Variants in NSMCE2 observed in about 807,000 individuals in gnomAD.
The protein encoded by NSMCE2 is NSE2 SUMO ligase component of SMC5/6 complex, also known as E3 SUMO-protein ligase NSE2.
In NSMCE2, 24 loss-of-function variants were observed where a neutral mutation model predicts 23.8. The ratio of observed to expected loss-of-function variants is 1.01; its 90% CI spans 0.73 to 1.42. The LOEUF (loss-of-function observed/expected upper bound fraction) is 1.42. NSMCE2 is among the 40% of genes most tolerant of loss of function. The pLI, the probability that NSMCE2 is intolerant of heterozygous loss-of-function variation, is 0.00. For synonymous variants in NSMCE2, 92 were observed against 94.1 expected (o/e 0.98, Z 0.13); for missense variants, 284 against 296.5 (o/e 0.96, Z 0.31).
chr8:125,280,723 C>A (rs528244597), intron 5 of NSMCE2, among the ~76,000 whole-genome samples: 1 of 152,172 alleles, frequency 6.6e-6, no homozygotes, highest in East Asian at 1.9e-4. Flanking sequence ...GGGTCCCAGA[C>A]AGGAGAAAGC....
chr8:125,310,664 C>T (rs1330226818), intron 5 of NSMCE2, among the ~76,000 whole-genome samples: 1 of 152,080 alleles, frequency 6.6e-6, no homozygotes, highest in African/African-American at 2.4e-5. Context: ...CTCCCTTAGC[C>T]AATACCATTC....
intron 5 of NSMCE2, among the ~76,000 whole-genome samples, chr8:125,309,868 T>C (rs566216119): frequency 2.2e-4 from 33 of 152,348 alleles, no homozygotes; most frequent in Admixed American, 7.2e-4. Context: ...AGCTAGAGCA[T>C]GATCTAATAA....
intron 3 of NSMCE2, chr8:125,126,850 A>G (rs1260239368): frequency 6.6e-6 from 1 of 152,222 alleles, no homozygotes; most frequent in East Asian, 1.9e-4. Flanking sequence ...CACTTTATTT[A>G]GGATTGATGT....
intron 4 of NSMCE2, among the ~76,000 whole-genome samples, chr8:125,173,442 GAC>G (rs1010709938): frequency 3.3e-5 from 5 of 152,186 alleles, no homozygotes; most frequent in Non-Finnish European, 5.9e-5. Context: ...CATCTTGGGA[GAC>G]ACCACCCTAT....
At chr8:125,305,498 A>G (rs1828721098) in intron 5 of NSMCE2, among the ~76,000 whole-genome samples, 1 of 152,214 alleles carries the variant, frequency 6.6e-6, no homozygotes, top group Non-Finnish European at 1.5e-5. Flanking sequence ...ACTGTCAGGC[A>G]GAGATATCTT....
intron 5 of NSMCE2, among the ~76,000 whole-genome samples, chr8:125,336,585 A>T (rs1248481059): frequency 6.6e-6 from 1 of 152,214 alleles, no homozygotes; most frequent in Non-Finnish European, 1.5e-5. Context: ...TTGTTGGGTG[A>T]TACTGCTGCA....
chr8:125,160,285 G>T (rs2130722035), intron 4 of NSMCE2, among the ~76,000 whole-genome samples: 1 of 152,290 alleles, frequency 6.6e-6, no homozygotes, highest in East Asian at 1.9e-4. Flanking sequence ...TTATAAGGTT[G>T]CCTAGAACGT....
rs376240525 is a variant in NSMCE2 at position 125,124,470 on chromosome 8, T to TTCTCTC, written c.157+22006_157+22011dup. On this transcript the variant is annotated intron_variant, in intron 3 of 7. Transcript: ENST00000287437. ...TTTTTTAAAGTGGATTCCTCAGGATTTCTCTCTCTCTCTCTCTCTCTCTCT... is the reference window on the plus strand; with the variant it reads ...TTTTTTAAAGTGGATTCCTCAGGATTTCTCTCTCTCTCTCTCTCTCTCTCTCTCTCT... Among the ~76,000 whole-genome samples, 271 of 146,314 alleles carry TTCTCTC rather than the reference T, an allele frequency of 1.9e-3. 1 individual carries two copies. In the Middle Eastern group the frequency reaches 0.021, roughly 11 times the overall value.
intron 5 of NSMCE2, among the ~76,000 whole-genome samples, chr8:125,333,578 G>A (rs1445919346): frequency 6.2e-5 from 8 of 128,584 alleles, no homozygotes; most frequent in Non-Finnish European, 4.8e-5. Context: ...GCAGTGGCGC[G>A]ATCTCGGCTC....
rs145579379 is a variant in NSMCE2, at chr8:125,208,550, G to A, written c.418+26294G>A. 7.0e-3 allele frequency among the ~76,000 whole-genome samples: 1,060 copies of A among 152,302 alleles called. 11 individuals are homozygous for A. Among genetic ancestry groups the A allele is most frequent in the Middle Eastern group, 0.017 (5 of 294 alleles). Reference sequence around the variant, plus strand: ...TGACCTAGTCCTTTTAGTGGAAATAGATATTTAAAATAGTTATAATTCAAA... The same window carrying A: ...TGACCTAGTCCTTTTAGTGGAAATAAATATTTAAAATAGTTATAATTCAAA... On this transcript the variant is annotated intron_variant, in intron 5 of 7. Transcript: ENST00000287437.
At chr8:125,222,483 C>T (rs1824908495) in intron 5 of NSMCE2, among the ~76,000 whole-genome samples, 1 of 152,126 alleles carries the variant, frequency 6.6e-6, no homozygotes, top group Non-Finnish European at 1.5e-5. Context: ...CTAACTGAAA[C>T]ATTGTAGTTT....
At chr8:125,329,561 A>G (rs1005102312) in intron 5 of NSMCE2, among the ~76,000 whole-genome samples, 6 of 152,212 alleles carry the variant, frequency 3.9e-5, no homozygotes, top group African/African-American at 1.4e-4. Flanking sequence ...CCTCATTGCC[A>G]GCAGATCTTA....
At chr8:125,166,207 CAAAAT>C (rs1471855347) in intron 4 of NSMCE2, among the ~76,000 whole-genome samples, 1 of 152,120 alleles carries the variant, frequency 6.6e-6, no homozygotes, top group African/African-American at 2.4e-5. Flanking sequence ...GTTACGATCT[CAAAAT>C]AGATGTTTTT....
intron 4 of NSMCE2, among the ~76,000 whole-genome samples, chr8:125,168,626 T>C (rs1358274614): frequency 1.3e-5 from 2 of 152,218 alleles, no homozygotes; most frequent in African/African-American, 2.4e-5. Flanking sequence ...CTCTGGGGCC[T>C]CTTTTATGAT....
intron 7 of NSMCE2, among the ~76,000 whole-genome samples, chr8:125,364,590 G>A (rs934946425): frequency 3.3e-5 from 5 of 152,346 alleles, no homozygotes; most frequent in Non-Finnish European, 4.4e-5. Context: ...GCATAGGGCT[G>A]ATCCCTAGAA....
intron 5 of NSMCE2, among the ~76,000 whole-genome samples, chr8:125,235,765 C>T (rs1825519431): frequency 6.6e-6 from 1 of 152,152 alleles, no homozygotes; most frequent in Non-Finnish European, 1.5e-5. Flanking sequence ...ATGGAAAGTC[C>T]TCAAGAGCAG....
At chr8:125,245,557 C>T (rs972814824) in intron 5 of NSMCE2, among the ~76,000 whole-genome samples, 3 of 150,958 alleles carry the variant, frequency 2.0e-5, no homozygotes, top group Non-Finnish European at 4.4e-5. Flanking sequence ...TTATTAAGCT[C>T]GATAGCATAA....
intron 5 of NSMCE2, among the ~76,000 whole-genome samples, chr8:125,349,125 C>T (rs932916784): frequency 2.0e-5 from 3 of 151,248 alleles, no homozygotes; most frequent in African/African-American, 7.3e-5. Flanking sequence ...CCACTTAAAG[C>T]CTAAGAAGTA....
chr8:125,293,649 T>C (rs1289586419), intron 5 of NSMCE2, among the ~76,000 whole-genome samples: 2 of 138,100 alleles, frequency 1.4e-5, no homozygotes, highest in African/African-American at 5.7e-5. Flanking sequence ...ATGAGGTTGC[T>C]GAGACTTTTG....
Sources: gnomAD v4.1 joint callset for allele counts (sites outside exome capture counted in the v4.1 genomes callset) on GRCh38, gnomAD v4.1.1 for gene constraint, MANE v1.5 for transcripts, NCBI Gene and HGNC (gene_info 2026-07-23, HGNC 2026-07-21) for gene names.